FRY: variants seen among roughly 807,000 people sequenced by gnomAD.
FRY encodes the protein protein furry homolog.
In FRY, 128 loss-of-function variants were observed where a neutral mutation model predicts 348.4. The ratio of observed to expected loss-of-function variants is 0.37; its 90% CI spans 0.32 to 0.43. FRY has a LOEUF of 0.43. Among genes scored for constraint, FRY ranks in the 20% least tolerant of loss-of-function variants. The pLI, the probability that FRY is intolerant of heterozygous loss-of-function variation, is 1.00. For missense variants in FRY, 2,736 were observed against 3,695.2 expected (o/e 0.74, Z 6.73); for synonymous variants, 1,370 against 1,374.7 (o/e 1.00, Z 0.08).
At chr13:32,183,058 T>C in intron 24 of FRY, 24 bp downstream of exon 24, 1 of 1,479,576 alleles carries the variant, frequency 6.8e-7, no homozygotes. Flanking sequence ...TTTAAAAAAT[T>C]AAGGCTTGGT....
chr13:32,271,889 C>T (rs185411958), intron 55 of FRY, among the ~76,000 whole-genome samples: 1 of 152,254 alleles, frequency 6.6e-6, no homozygotes, highest in Admixed American at 6.5e-5. Flanking sequence ...AATTAAAATG[C>T]AAATGAGCTG....
At chr13:32,268,505 A>ATATATATATATATATATAT (rs1555273231) in intron 55 of FRY, among the ~76,000 whole-genome samples, 3 of 28,298 alleles carry the variant, frequency 1.1e-4, no homozygotes, top group Non-Finnish European at 2.5e-4. Flanking sequence ...AAAAAAAAAA[A>ATATATATATATATATATAT]ATATATATAT....
At chr13:32,258,519 A>G (rs1175807304) in intron 51 of FRY, among the ~76,000 whole-genome samples, 1 of 152,142 alleles carries the variant, frequency 6.6e-6, no homozygotes, top group Admixed American at 6.5e-5. Context: ...AGGCTGAGGC[A>G]GGAGAATCCC....
In FRY at chr13:32,096,661, C is replaced by A. The variant is rs1184227475; in HGVS notation, c.271-5302C>A. On this transcript the variant is annotated intron_variant, in intron 2 of 60. Transcript: ENST00000542859. The stretch of plus-strand genomic sequence containing the variant: ...CAAAAATTAGCCAGGCATGGTGGCA[C>A]GTGCCTGTAATCCCACCTACTCCAG... Among the ~76,000 whole-genome samples, 3 of 151,756 alleles carry A rather than the reference C, an allele frequency of 2.0e-5. No individual in the cohort carries two copies. In the East Asian group the frequency reaches 5.8e-4, roughly 29 times the overall value.
intron 41 of FRY, among the ~76,000 whole-genome samples, chr13:32,231,594 T>C (rs1201985232): frequency 2.0e-5 from 3 of 152,248 alleles, no homozygotes. Flanking sequence ...TAAAGAAGGC[T>C]ATGAGGAATA....
At chr13:32,100,339 A>G (rs1317261072) in intron 2 of FRY, among the ~76,000 whole-genome samples, 4 of 152,074 alleles carry the variant, frequency 2.6e-5, no homozygotes, top group Non-Finnish European at 4.4e-5. Context: ...TCGGCCTCCC[A>G]AAGTGCTGGG....
At chr13:32,286,176 T>C (rs1024393706) in intron 58 of FRY, among the ~76,000 whole-genome samples, 1 of 152,228 alleles carries the variant, frequency 6.6e-6, no homozygotes, top group Non-Finnish European at 1.5e-5. Context: ...GATAGTTTCA[T>C]TTGTTCTTAT....
chr13:32,036,545 A>G (rs1279327347), intron 1 of FRY, among the ~76,000 whole-genome samples: 1 of 152,036 alleles, frequency 6.6e-6, no homozygotes, highest in African/African-American at 2.4e-5. Context: ...ATAAAATACT[A>G]TGCTCCATGA....
At chr13:32,050,428 T>A (rs141685280) in intron 1 of FRY, among the ~76,000 whole-genome samples, 1 of 152,214 alleles carries the variant, frequency 6.6e-6, no homozygotes, top group African/African-American at 2.4e-5. Flanking sequence ...TTCAGAATTA[T>A]ATATGGCTTG....
chr13:32,040,982 T>C (rs17077003), intron 1 of FRY, among the ~76,000 whole-genome samples: 2,200 of 152,260 alleles, frequency 0.014, 48 homozygotes, highest in African/African-American at 0.05. Flanking sequence ...ACAGCTTAGG[T>C]AGAAAGCTCT....
chr13:32,150,442 A>G (rs906012663), intron 14 of FRY, among the ~76,000 whole-genome samples: 3 of 152,150 alleles, frequency 2.0e-5, no homozygotes, highest in Non-Finnish European at 4.4e-5. Context: ...CTCTTTTTCT[A>G]TGAGGTTGTA....
intron 4 of FRY, among the ~76,000 whole-genome samples, chr13:32,120,853 G>A (rs149270532): frequency 2.6e-5 from 4 of 152,248 alleles, no homozygotes; most frequent in African/African-American, 7.2e-5. Context: ...GTAGAGACGG[G>A]GTTTCACTAT....
chr13:32,232,623 G>A (rs1220735214), intron 41 of FRY, among the ~76,000 whole-genome samples: 2 of 152,192 alleles, frequency 1.3e-5, no homozygotes, highest in Admixed American at 6.5e-5. Context: ...TCTGCATCCA[G>A]CCAGCAGGTG....
intron 2 of FRY, among the ~76,000 whole-genome samples, chr13:32,085,483 C>T (rs1875796266): frequency 6.6e-6 from 1 of 152,180 alleles, no homozygotes; most frequent in African/African-American, 2.4e-5. Flanking sequence ...GATTTGACTC[C>T]TGCTTCCACC....
intron 53 of FRY, among the ~76,000 whole-genome samples, chr13:32,264,893 T>C (rs1254443016): frequency 6.6e-6 from 1 of 152,216 alleles, no homozygotes. Flanking sequence ...ATACCACAGG[T>C]ATCCTGGGCA....
rs1887110101 is a variant in FRY, at chr13:32,252,025, T to A, written c.7245+73T>A. On this transcript the variant is annotated intron_variant, in intron 50 of 60. Coordinates refer to ENST00000542859, the MANE Select transcript of FRY (RefSeq NM_023037.3). ...TTCATTGGTCTGTTTTTGCCTTTGG[T>A]CATATAATTTAGAGGATTCAACTGT... 5 of 1,034,142 alleles carry A rather than the reference T, an allele frequency of 4.8e-6. No homozygotes were observed. In the South Asian group the frequency reaches 6.3e-5, roughly 13 times the overall value. The allele number at this position is 1,034,142 out of a possible 1,614,324, so 64.1% of individuals were successfully genotyped here.
intron 58 of FRY, among the ~76,000 whole-genome samples, chr13:32,283,801 C>T (rs530448599): frequency 1.3e-5 from 2 of 152,258 alleles, no homozygotes; most frequent in South Asian, 2.1e-4. Flanking sequence ...TACTCATTTG[C>T]GGACACTGCT....
intron 3 of FRY, among the ~76,000 whole-genome samples, chr13:32,114,148 G>A (rs1878151166): frequency 6.6e-6 from 1 of 152,078 alleles, no homozygotes; most frequent in Non-Finnish European, 1.5e-5. Context: ...CTCTTTTATG[G>A]GTCTGTAGTG....
At chr13:32,175,663 T>C (rs746940667) in intron 20 of FRY, 31 bp downstream of exon 20, 3 of 1,188,248 alleles carry the variant, frequency 2.5e-6, no homozygotes, top group Admixed American at 1.7e-5. Flanking sequence ...AATTAATGGC[T>C]CTTAAAAGCT....
Sources: gnomAD v4.1 joint callset for allele counts (sites outside exome capture counted in the v4.1 genomes callset) on GRCh38, gnomAD v4.1.1 for gene constraint, MANE v1.5 for transcripts, NCBI Gene and HGNC (gene_info 2026-07-23, HGNC 2026-07-21) for gene names.